The following SDCCAG8 variants were observed in gnomAD, a reference collection of about 807,000 sequenced individuals.
The protein encoded by SDCCAG8 is serologically defined colon cancer antigen 8.
A neutral mutation model predicts 101.8 loss-of-function variants in SDCCAG8; 74 were observed. That is an observed-to-expected ratio of 0.73 (90% CI 0.60 to 0.88). SDCCAG8 has a LOEUF of 0.88. SDCCAG8 is among the 40% of genes least tolerant of loss of function. SDCCAG8 has a pLI of 0.00. For missense variants in SDCCAG8, 787 were observed against 822.6 expected (o/e 0.96, Z 0.53); for synonymous variants, 281 against 292.9 (o/e 0.96, Z 0.41).
At chr1:243,323,210 G>T (rs113173530) in intron 9 of SDCCAG8, among the ~76,000 whole-genome samples, 2,249 of 151,444 alleles carry the variant, frequency 0.015, 53 homozygotes, top group African/African-American at 0.05. Context: ...AGGTACTGTT[G>T]AACAATTCTT....
chr1:243,264,395 A>T (rs936124568), intron 1 of SDCCAG8, among the ~76,000 whole-genome samples: 2 of 152,104 alleles, frequency 1.3e-5, no homozygotes, highest in African/African-American at 4.8e-5. Flanking sequence ...CGGAAGGATC[A>T]CCTGAGGTCG....
intron 1 of SDCCAG8, among the ~76,000 whole-genome samples, chr1:243,256,508 C>T (rs537382826): frequency 4.6e-5 from 7 of 152,254 alleles, no homozygotes; most frequent in Admixed American, 1.3e-4. Context: ...ACAGCAGAAA[C>T]TCTTGGATAG....
intron 5 of SDCCAG8, among the ~76,000 whole-genome samples, chr1:243,287,558 A>G (rs993160266): frequency 2.6e-5 from 4 of 152,118 alleles, no homozygotes; most frequent in African/African-American, 4.8e-5. Flanking sequence ...ATTTTCTGCA[A>G]TTGCATTTAA....
chr1:243,273,882 T>G (rs1172988874), intron 3 of SDCCAG8, among the ~76,000 whole-genome samples: 2 of 152,234 alleles, frequency 1.3e-5, no homozygotes. Context: ...ATATGTGCTT[T>G]TTATAACCAC....
At chr1:243,294,696 T>TTCCCCCCCCC (rs796839957) in intron 6 of SDCCAG8, among the ~76,000 whole-genome samples, 5 of 62,236 alleles carry the variant, frequency 8.0e-5, no homozygotes, top group Non-Finnish European at 1.2e-4. Context: ...CTTTCTAAAT[T>TTCCCCCCCCC]CCCCCCCCCC....
At chr1:243,475,020 G>A (rs1234996748) in intron 16 of SDCCAG8, among the ~76,000 whole-genome samples, 2 of 152,158 alleles carry the variant, frequency 1.3e-5, no homozygotes, top group Non-Finnish European at 2.9e-5. Context: ...TCCGGATCCT[G>A]CCAATGCACC....
intron 4 of SDCCAG8, among the ~76,000 whole-genome samples, chr1:243,282,965 GC>G (rs2069196773): frequency 6.6e-6 from 1 of 152,078 alleles, no homozygotes; most frequent in South Asian, 2.1e-4. Context: ...TCATGCCTCA[GC>G]CTCCCGAGTA....
chr1:243,292,583 A>G (rs2070381762), intron 5 of SDCCAG8, among the ~76,000 whole-genome samples: 1 of 152,084 alleles, frequency 6.6e-6, no homozygotes, highest in Admixed American at 6.6e-5. Context: ...ACCCTCAGCT[A>G]CTCTATGTGA....
At chr1:243,475,910 C>G in intron 16 of SDCCAG8, 2 of 984,138 alleles carry the variant, frequency 2.0e-6, no homozygotes, top group Non-Finnish European at 2.4e-6. Context: ...ATTGACTCCG[C>G]GTATTCCTTC....
At chr1:243,461,613 C>A (rs1659119505) in intron 16 of SDCCAG8, among the ~76,000 whole-genome samples, 1 of 152,182 alleles carries the variant, frequency 6.6e-6, no homozygotes, top group Non-Finnish European at 1.5e-5. Context: ...TCAGACAGAG[C>A]TGAGCTACAT....
chr1:243,280,489 T>C (rs1322989909), intron 4 of SDCCAG8, among the ~76,000 whole-genome samples: 2 of 152,282 alleles, frequency 1.3e-5, no homozygotes, highest in Non-Finnish European at 2.9e-5. Flanking sequence ...CTGGAATTAA[T>C]TTGCTATTGG....
At chr1:243,276,920 G>C (rs558780234) in intron 4 of SDCCAG8, among the ~76,000 whole-genome samples, 1 of 152,068 alleles carries the variant, frequency 6.6e-6, no homozygotes, top group East Asian at 1.9e-4. Context: ...TTTCTGACTG[G>C]CCTATTATAC....
intron 6 of SDCCAG8, chr1:243,293,555 C>G (rs933736759): frequency 2.2e-6 from 1 of 463,954 alleles, no homozygotes; most frequent in African/African-American, 2.0e-5. Flanking sequence ...AATACTTGTC[C>G]TTTTGTGTCT....
At chr1:243,401,863 T>C (rs979438364) in intron 13 of SDCCAG8, among the ~76,000 whole-genome samples, 1 of 152,216 alleles carries the variant, frequency 6.6e-6, no homozygotes, top group African/African-American at 2.4e-5. Context: ...AGTGGCTGAA[T>C]TAAATGAGAA....
Position 243,369,840 on chromosome 1 carries a change from T to C in SDCCAG8, c.1474-8881T>C, listed in dbSNP as rs1210421645. ...CACACCATTGACAGATGATAACTGG[T>C]GTGGTCAACAATTAGGAGATTTATA... On this transcript the variant is annotated intron_variant, in intron 12 of 17. Transcript: ENST00000366541. 3.3e-5 allele frequency among the ~76,000 whole-genome samples: 5 copies of C among 152,158 alleles called. No individual in the cohort carries two copies. In the East Asian group the frequency reaches 9.6e-4, roughly 29 times the overall value.
chr1:243,463,512 C>T (rs934518853), intron 16 of SDCCAG8, among the ~76,000 whole-genome samples: 4 of 152,150 alleles, frequency 2.6e-5, no homozygotes, highest in African/African-American at 7.2e-5. Context: ...GCCCAGCCAG[C>T]CAGGGCTGCT....
At chr1:243,349,832 C>CTT (rs563873668) in intron 12 of SDCCAG8, among the ~76,000 whole-genome samples, 104 of 140,928 alleles carry the variant, frequency 7.4e-4, no homozygotes, top group Middle Eastern at 7.4e-3. Flanking sequence ...AAGCGTCTTT[C>CTT]TTTTTTTTTT....
intron 6 of SDCCAG8, among the ~76,000 whole-genome samples, chr1:243,300,160 G>A (rs556295092): frequency 1.3e-5 from 2 of 152,200 alleles, no homozygotes; most frequent in East Asian, 3.9e-4. Context: ...ACTGTGCCTG[G>A]CCATGAATTA....
chr1:243,339,397 A>C (rs1053967671), intron 10 of SDCCAG8, among the ~76,000 whole-genome samples: 1 of 152,188 alleles, frequency 6.6e-6, no homozygotes, highest in Non-Finnish European at 1.5e-5. Flanking sequence ...ACACATTCAT[A>C]ATATATATGC....
Sources: allele counts gnomAD v4.1 joint callset (sites outside exome capture counted in the v4.1 genomes callset), GRCh38; gene constraint gnomAD v4.1.1; transcripts MANE v1.5; gene names NCBI Gene and HGNC (gene_info 2026-07-23, HGNC 2026-07-21).